Variants in ANK2 observed in about 807,000 individuals in gnomAD.
The protein encoded by ANK2 is ankyrin-2.
ANK2 carries 83 observed loss-of-function variants against 360.5 expected under a neutral mutation model. That is an observed-to-expected ratio of 0.23 (90% CI 0.19 to 0.28). The LOEUF is 0.28. Ranked by LOEUF, ANK2 falls within the 10% of genes least tolerant of loss-of-function variation. ANK2 has a pLI of 1.00. For synonymous variants in ANK2, 1,740 were observed against 1,759.5 expected (o/e 0.99, Z 0.28); for missense variants, 4,201 against 4,795.7 (o/e 0.88, Z 3.66).
chr4:112,878,598 T>A (rs952260769), intron 1 of ANK2, among the ~76,000 whole-genome samples: 2 of 152,144 alleles, frequency 1.3e-5, no homozygotes, highest in Admixed American at 6.5e-5. Context: ...AGTGTTGGGA[T>A]TACAGGCGTG....
chr4:113,036,493 A>G (rs2061639727), intron 2 of ANK2, among the ~76,000 whole-genome samples: 1 of 151,832 alleles, frequency 6.6e-6, no homozygotes, highest in African/African-American at 2.4e-5. Context: ...ATTGTATACC[A>G]TAGTGATTTG....
chr4:112,719,726 C>CA, the ANK2 span, among the ~76,000 whole-genome samples: 1,859 of 101,444 alleles, frequency 0.018, 26 homozygotes, highest in Non-Finnish European at 0.025. Context: ...GACTCCGACT[C>CA]AAAAAAAAAA....
chr4:113,306,688 C>A (rs2077376809), intron 23 of ANK2, among the ~76,000 whole-genome samples: 1 of 151,100 alleles, frequency 6.6e-6, no homozygotes. Context: ...TATCATTCCA[C>A]ATATATATAT....
At chr4:112,727,215 A>G in the ANK2 span, among the ~76,000 whole-genome samples, 1 of 151,958 alleles carries the variant, frequency 6.6e-6, no homozygotes, top group South Asian at 2.1e-4. Context: ...TCAGGTTCAA[A>G]TACACTGAAT....
At chr4:112,869,121 A>G (rs2071826372) in intron 1 of ANK2, among the ~76,000 whole-genome samples, 1 of 151,988 alleles carries the variant, frequency 6.6e-6, no homozygotes, top group Non-Finnish European at 1.5e-5. Flanking sequence ...CACCATGCCC[A>G]GCTAATTTAA....
intron 1 of ANK2, among the ~76,000 whole-genome samples, chr4:113,111,707 A>C (rs2094317568): frequency 6.6e-6 from 1 of 152,316 alleles, no homozygotes; most frequent in Admixed American, 6.5e-5. Context: ...TTTTGGAAAA[A>C]AAACCTTGTG....
intron 1 of ANK2, among the ~76,000 whole-genome samples, chr4:113,152,890 G>A (rs944655601): frequency 2.6e-5 from 4 of 152,080 alleles, no homozygotes; most frequent in African/African-American, 9.7e-5. Flanking sequence ...GACAGGGCAA[G>A]ATGCTGTCTC....
intron 2 of ANK2, among the ~76,000 whole-genome samples, chr4:113,038,519 T>C (rs2062120045): frequency 6.6e-6 from 1 of 151,964 alleles, no homozygotes; most frequent in African/African-American, 2.4e-5. Context: ...CTACTTTACT[T>C]GCTGGCCATC....
chr4:112,910,469 G>A (rs544070378), intron 2 of ANK2, among the ~76,000 whole-genome samples: 4 of 152,286 alleles, frequency 2.6e-5, no homozygotes, highest in Admixed American at 6.5e-5. Context: ...ATTCATTATC[G>A]TAAAACTTAA....
intron 45 of ANK2, among the ~76,000 whole-genome samples, chr4:113,377,171 G>A (rs1041529243): frequency 3.3e-5 from 5 of 152,034 alleles, no homozygotes; most frequent in Admixed American, 6.6e-5. Context: ...ACATAAACCA[G>A]TAACATAGTC....
At chr4:113,150,044 C>T (rs2096995846) in intron 1 of ANK2, among the ~76,000 whole-genome samples, 1 of 151,848 alleles carries the variant, frequency 6.6e-6, no homozygotes, top group Non-Finnish European at 1.5e-5. Flanking sequence ...TGAAATGAGC[C>T]ATTATAGGAT....
chr4:113,172,554 A>G (rs893310471), intron 1 of ANK2, among the ~76,000 whole-genome samples: 2 of 152,186 alleles, frequency 1.3e-5, no homozygotes, highest in Admixed American at 1.3e-4. Context: ...GATATAATAC[A>G]TGTGACTCCT....
At chr4:113,293,876 G>T (rs973604828) in intron 22 of ANK2, among the ~76,000 whole-genome samples, 3 of 152,172 alleles carry the variant, frequency 2.0e-5, no homozygotes, top group Non-Finnish European at 4.4e-5. Context: ...TGGCAAAGCG[G>T]TAACACACTC....
At chr4:112,888,298 A>G (rs1158825411) in intron 1 of ANK2, among the ~76,000 whole-genome samples, 2 of 152,148 alleles carry the variant, frequency 1.3e-5, no homozygotes, top group African/African-American at 4.8e-5. Context: ...AAAGTTAGAG[A>G]TTATCTAATC....
At chr4:113,239,719 G>C (rs1016993495) in intron 7 of ANK2, among the ~76,000 whole-genome samples, 2 of 152,058 alleles carry the variant, frequency 1.3e-5, no homozygotes, top group African/African-American at 4.8e-5. Context: ...AACATTTTGA[G>C]AGTAAACAGT....
chr4:112,841,801 C>A (rs1392205319), intron 1 of ANK2, among the ~76,000 whole-genome samples: 1 of 152,148 alleles, frequency 6.6e-6, no homozygotes, highest in Non-Finnish European at 1.5e-5. Context: ...TACCACAGGG[C>A]AAAGTTACTT....
intron 2 of ANK2, among the ~76,000 whole-genome samples, chr4:112,933,780 A>T (rs190556202): frequency 6.6e-6 from 1 of 152,210 alleles, no homozygotes; most frequent in Admixed American, 6.5e-5. Flanking sequence ...GATTACAGGC[A>T]TGAGTCACTG....
At chr4:113,110,967 A>G (rs1292187761) in intron 1 of ANK2, among the ~76,000 whole-genome samples, 2 of 152,206 alleles carry the variant, frequency 1.3e-5, no homozygotes, top group African/African-American at 4.8e-5. Flanking sequence ...TTGAAAAATA[A>G]GAAAATATTT....
intron 1 of ANK2, among the ~76,000 whole-genome samples, chr4:113,074,255 T>G (rs1236137125): frequency 3.3e-5 from 5 of 152,198 alleles, no homozygotes; most frequent in Non-Finnish European, 4.4e-5. Flanking sequence ...TCAAGACCCT[T>G]ATTAAATATT....
Sources: gnomAD v4.1 joint callset for allele counts (sites outside exome capture counted in the v4.1 genomes callset) on GRCh38, gnomAD v4.1.1 for gene constraint, MANE v1.5 for transcripts, NCBI Gene and HGNC (gene_info 2026-07-23, HGNC 2026-07-21) for gene names.